IFT122: variants seen among roughly 807,000 people sequenced by gnomAD.
The protein encoded by IFT122 is intraflagellar transport protein 122 homolog.
In IFT122, 118 loss-of-function variants were observed where a neutral mutation model predicts 161.6. The ratio of observed to expected loss-of-function variants is 0.73; its 90% CI spans 0.63 to 0.85. IFT122 has a LOEUF of 0.85. Among genes scored for constraint, IFT122 ranks in the 40% least tolerant of loss-of-function variants. The pLI, the probability that IFT122 is intolerant of heterozygous loss-of-function variation, is 0.00. For missense variants in IFT122, 1,381 were observed against 1,579.6 expected (o/e 0.87, Z 2.13); for synonymous variants, 550 against 602.4 (o/e 0.91, Z 1.27).
intron 16 of IFT122, among the ~76,000 whole-genome samples, chr3:129,491,369 C>A (rs1485688242): frequency 6.6e-6 from 1 of 152,216 alleles, no homozygotes; most frequent in Non-Finnish European, 1.5e-5. Flanking sequence ...CACCTGAAAG[C>A]AGCCTGACCT....
At chr3:129,514,716 C>T (rs2083265711) in intron 25 of IFT122, 162 bp downstream of exon 25, 1 of 805,238 alleles carries the variant, frequency 1.2e-6, no homozygotes, top group African/African-American at 1.7e-5. Flanking sequence ...CCCTGTGCTT[C>T]CCTGTCCACC....
At chr3:129,500,705 C>T (rs1011195313) in intron 19 of IFT122, among the ~76,000 whole-genome samples, 5 of 152,144 alleles carry the variant, frequency 3.3e-5, no homozygotes, top group Admixed American at 3.3e-4. Context: ...AGCAGAAACA[C>T]AGCGAGTTGG....
At chr3:129,454,449 T>G in intron 3 of IFT122, among the ~76,000 whole-genome samples, 1 of 150,316 alleles carries the variant, frequency 6.7e-6, no homozygotes, top group East Asian at 2.0e-4. Flanking sequence ...TGCAGCAGAT[T>G]GGCCCAAAGA....
intron 1 of IFT122, among the ~76,000 whole-genome samples, chr3:129,444,110 G>A (rs896480596): frequency 6.6e-6 from 1 of 152,320 alleles, no homozygotes; most frequent in African/African-American, 2.4e-5. Flanking sequence ...TGTGCACCCC[G>A]TGAGTAGGAG....
At chr3:129,469,779 C>T (rs956954022) in intron 9 of IFT122, among the ~76,000 whole-genome samples, 2 of 152,170 alleles carry the variant, frequency 1.3e-5, no homozygotes, top group Non-Finnish European at 2.9e-5. Context: ...TTCCTCTATT[C>T]GCTTTCTTTC....
chr3:129,475,483 C>A (rs1219747605), intron 9 of IFT122, among the ~76,000 whole-genome samples: 2 of 152,184 alleles, frequency 1.3e-5, no homozygotes, highest in East Asian at 3.8e-4. Context: ...GAAACACCGT[C>A]TCTGCAAAAA....
intron 12 of IFT122, 133 bp downstream of exon 12, chr3:129,478,351 T>A: frequency 1.4e-6 from 1 of 737,766 alleles, no homozygotes; most frequent in East Asian, 2.7e-5. Flanking sequence ...AAGTGGTGCT[T>A]ATTGGCTTTC....
chr3:129,454,513 TTGTGTGTGTGTGTGTGTGTG>T (rs61557048), intron 3 of IFT122, among the ~76,000 whole-genome samples: 5 of 131,222 alleles, frequency 3.8e-5, no homozygotes, highest in Non-Finnish European at 7.9e-5. Context: ...GTAGTCATAT[TTGTGTGTGTGTGTGTGTGTG>T]TGTGTGTGTG....
chr3:129,463,620 G>C lies in IFT122; in HGVS notation c.410G>C (p.Cys137Ser), dbSNP rs1278478989. 8 of 1,613,086 alleles carry C rather than the reference G, an allele frequency of 5.0e-6. No individual in the cohort carries two copies. The highest frequency in any genetic ancestry group is 6.8e-6 in the Non-Finnish European group (8 of 1,179,308). The change falls in exon 6 of 30, where the codon TGC (cysteine) becomes TCC (serine). Residue 137 changes from cysteine to serine, a missense_variant. This residue lies in a region of IFT122 where 544 missense variants were observed against 648.0 expected (regional missense o/e 0.84). Coordinates refer to ENST00000348417, the MANE Select transcript of IFT122 (RefSeq NM_052989.3). ...CACAAATCAAGCAGCAAGATCATCT[G>C]CTGCAGGTAAGTGCAGCTCTGACGA... is the stretch of plus-strand genomic sequence containing the variant. ...SKHKSSSKIICCSWTNDGQYL... is the reference protein window; with the variant it reads ...SKHKSSSKIISCSWTNDGQYL...
Position 129,492,816 on chromosome 3 carries a change from C to CTTT in IFT122, c.2046+638_2046+640dup, listed in dbSNP as rs376279677. 8.7e-5 allele frequency among the ~76,000 whole-genome samples: 11 copies of CTTT among 125,718 alleles called. No individual in the cohort carries two copies. The East Asian group carries it at 1.2e-3, about 14-fold the overall frequency. The allele number at this position is 125,718 out of a possible 152,430, so 82.5% of individuals were successfully genotyped here. On this transcript the variant is annotated intron_variant, in intron 17 of 29. Coordinates refer to ENST00000348417, the MANE Select transcript of IFT122 (RefSeq NM_052989.3). ...GTGGTCAACACTATGCTTTTTTTTT[C>CTTT]TTTTTTTTTTTTTTTTTTCTGAAAC...
At chr3:129,474,469 C>T (rs912987183) in intron 9 of IFT122, among the ~76,000 whole-genome samples, 2 of 152,146 alleles carry the variant, frequency 1.3e-5, no homozygotes, top group South Asian at 2.1e-4. Flanking sequence ...ACCTGATTAA[C>T]CCTGTGTCTA....
At chr3:129,497,357 C>T (rs1489159180) in intron 18 of IFT122, among the ~76,000 whole-genome samples, 2 of 152,230 alleles carry the variant, frequency 1.3e-5, no homozygotes, top group Non-Finnish European at 1.5e-5. Flanking sequence ...AAAGGCTCTT[C>T]GGTTTGCCAA....
At chr3:129,517,618 CTG>C (rs2084142980) in intron 27 of IFT122, 24 bp downstream of exon 27, 1 of 1,609,904 alleles carries the variant, frequency 6.2e-7, no homozygotes, top group Non-Finnish European at 8.5e-7. Context: ...TGGCCAGAGC[CTG>C]TGTGTGCGGC....
chr3:129,494,622 C>T (rs1276267604), intron 17 of IFT122, among the ~76,000 whole-genome samples: 2 of 152,094 alleles, frequency 1.3e-5, no homozygotes, highest in Non-Finnish European at 2.9e-5. Context: ...TACAAATACT[C>T]GAGCTGTAGA....
intron 11 of IFT122, 109 bp downstream of exon 11, chr3:129,476,910 C>A: frequency 7.3e-7 from 1 of 1,362,156 alleles, no homozygotes; most frequent in Non-Finnish European, 1.0e-6. Flanking sequence ...TGGCGTTTTG[C>A]AAACCTGTTA....
intron 8 of IFT122, among the ~76,000 whole-genome samples, chr3:129,468,893 C>T (rs995643973): frequency 1.3e-5 from 2 of 152,222 alleles, no homozygotes; most frequent in African/African-American, 4.8e-5. Context: ...AATTTTCTTT[C>T]TTCAGGAAGA....
At chr3:129,473,767 A>G (rs779231460) in intron 9 of IFT122, among the ~76,000 whole-genome samples, 5 of 152,202 alleles carry the variant, frequency 3.3e-5, no homozygotes, top group Non-Finnish European at 4.4e-5. Flanking sequence ...ACCCAGCATG[A>G]TGGTGAAGAG....
rs529576195 is a variant in IFT122 at position 129,482,367 on chromosome 3, C to G, written c.1653+673C>G. ...GCTGGGCTCGCGCCATTCTTTCTCT[C>G]TTTAGGTCTTTGTAGGTGGTCAGGA... On this transcript the variant is annotated intron_variant, in intron 14 of 29. Transcript: ENST00000348417. 2.6e-5 allele frequency among the ~76,000 whole-genome samples: 4 copies of G among 152,332 alleles called. No homozygotes were observed. The East Asian group carries it at 7.7e-4, about 29-fold the overall frequency.
At chr3:129,503,379 A>G (rs2081831983) in intron 20 of IFT122, among the ~76,000 whole-genome samples, 1 of 151,812 alleles carries the variant, frequency 6.6e-6, no homozygotes, top group Admixed American at 6.6e-5. Flanking sequence ...CACAACCACT[A>G]CTTCTCTCTG....
Sources: allele counts gnomAD v4.1 joint callset (sites outside exome capture counted in the v4.1 genomes callset), GRCh38; gene constraint gnomAD v4.1.1; regional missense constraint gnomAD v4.1.1; transcripts MANE v1.5; gene names NCBI Gene and HGNC (gene_info 2026-07-23, HGNC 2026-07-21).